MCTP1: variants seen among roughly 807,000 people sequenced by gnomAD.
MCTP1 encodes multiple C2 and transmembrane domain-containing protein 1.
In MCTP1, 69 loss-of-function variants were observed where a neutral mutation model predicts 120.6. That is an observed-to-expected ratio of 0.57 (90% confidence interval 0.47 to 0.70). The LOEUF (loss-of-function observed/expected upper bound fraction) is 0.70. MCTP1 is among the 30% of genes least tolerant of loss of function. The probability of loss-of-function intolerance (pLI) is 0.00; values close to 1 mark genes in which losing one functional copy is unlikely to be tolerated. For synonymous variants in MCTP1, 529 were observed against 493.1 expected, an observed-to-expected ratio of 1.07 and a Z score of -0.96; for missense variants, 1,203 against 1,248.8, an observed-to-expected ratio of 0.96 and a Z score of 0.55.
intron 3 of MCTP1, among the ~76,000 whole-genome samples, chr5:94,947,603 G>C (rs2118212): frequency 0.012 from 1,271 of 104,460 alleles, 45 homozygotes; most frequent in African/African-American, 0.017. Context: ...GAGAGAGAGA[G>C]AGAGAGAGAG....
chr5:95,283,561 C>T (rs368775118), intron 1 of MCTP1, among the ~76,000 whole-genome samples: 2 of 152,258 alleles, frequency 1.3e-5, no homozygotes, highest in Admixed American at 1.3e-4. Context: ...CATCTCCTTT[C>T]AGGAGAACTC....
chr5:95,236,614 G>A (rs985593202), intron 1 of MCTP1, among the ~76,000 whole-genome samples: 1 of 152,146 alleles, frequency 6.6e-6, no homozygotes, highest in Non-Finnish European at 1.5e-5. Context: ...AAGTCAATAT[G>A]CAATTTAGTT....
chr5:94,761,219 T>C (rs1381217382), intron 19 of MCTP1, among the ~76,000 whole-genome samples: 1 of 152,192 alleles, frequency 6.6e-6, no homozygotes, highest in African/African-American at 2.4e-5. Flanking sequence ...ACACAGACTG[T>C]TGGCATTTGG....
At chr5:95,274,556 G>C (rs1759659437) in intron 1 of MCTP1, among the ~76,000 whole-genome samples, 1 of 151,994 alleles carries the variant, frequency 6.6e-6, no homozygotes, top group Non-Finnish European at 1.5e-5. Flanking sequence ...ACTCACTCAA[G>C]GTATCTCCAT....
chr5:94,779,075 T>A (rs1419734529), intron 19 of MCTP1, 35 bp downstream of exon 19: 2 of 1,576,908 alleles, frequency 1.3e-6, no homozygotes, highest in South Asian at 2.2e-5. Context: ...CATTTCCCCA[T>A]CCCCAGGTAC....
chr5:95,251,587 G>C (rs1267487189), intron 1 of MCTP1, among the ~76,000 whole-genome samples: 1 of 152,074 alleles, frequency 6.6e-6, no homozygotes, highest in African/African-American at 2.4e-5. Flanking sequence ...TTCTTATCTT[G>C]CTAGGGGATT....
At chr5:95,202,104 G>C (rs1195800710) in intron 1 of MCTP1, among the ~76,000 whole-genome samples, 1 of 152,138 alleles carries the variant, frequency 6.6e-6, no homozygotes, top group Non-Finnish European at 1.5e-5. Flanking sequence ...TGGCGTGAGT[G>C]GGGAAGACCA....
At chr5:95,176,263 G>A (rs898344393) in intron 1 of MCTP1, among the ~76,000 whole-genome samples, 2 of 152,116 alleles carry the variant, frequency 1.3e-5, no homozygotes, top group African/African-American at 2.4e-5. Context: ...GGTGGCTCAC[G>A]CCTGTAATCC....
At chr5:95,232,105 A>G (rs960669553) in intron 1 of MCTP1, among the ~76,000 whole-genome samples, 3 of 151,030 alleles carry the variant, frequency 2.0e-5, no homozygotes, top group African/African-American at 7.3e-5. Context: ...ACATTGCCAA[A>G]TGATCCCTGG....
At chr5:94,894,081 G>A (rs998520490) in intron 11 of MCTP1, among the ~76,000 whole-genome samples, 4 of 152,122 alleles carry the variant, frequency 2.6e-5, no homozygotes, top group Non-Finnish European at 4.4e-5. Context: ...AGTCATTTTA[G>A]TGATTCACTA....
intron 1 of MCTP1, among the ~76,000 whole-genome samples, chr5:95,279,824 C>T (rs1041571360): frequency 5.9e-5 from 9 of 152,166 alleles, no homozygotes; most frequent in African/African-American, 2.2e-4. Flanking sequence ...CATCAAACTC[C>T]ACTTTCCACC....
At chr5:94,943,512 A>T (rs572421710) in intron 3 of MCTP1, among the ~76,000 whole-genome samples, 2 of 152,114 alleles carry the variant, frequency 1.3e-5, no homozygotes, top group Non-Finnish European at 2.9e-5. Context: ...ACTTCCATCC[A>T]TCTATTAATT....
Position 94,888,458 on chromosome 5 carries a change from CAAGT to C in MCTP1, c.1933+417_1933+420del, listed in dbSNP as rs1480804067. On this transcript the variant is annotated intron_variant, in intron 12 of 22. Coordinates refer to ENST00000515393, the MANE Select transcript of MCTP1 (RefSeq NM_024717.7). The stretch of plus-strand genomic sequence containing the variant: ...CAACCCAAATATCAAGAGTTGATAC[CAAGT>C]TATTGAGTATTATGCACCTAAAATT... 7.2e-5 allele frequency among the ~76,000 whole-genome samples: 11 copies of C among 152,044 alleles called. No individual in the cohort carries two copies. The East Asian group carries it at 1.9e-3, about 27-fold the overall frequency.
Position 94,799,130 on chromosome 5 carries a change from G to A in MCTP1, c.2439C>T (p.Leu813=), listed in dbSNP as rs1361567065. The A allele has an allele frequency of 6.2e-7, 1 of 1,610,870 alleles. No homozygotes were observed. Among genetic ancestry groups the A allele is most frequent in the Admixed American group, 1.7e-5 (1 of 59,814 alleles). ...SPPRSLAAFV[L]FLFVVWNFEL... is the part of the protein sequence containing the mutation. ...CAAAGTTCCAGACAACAAAGAGAAA[G>A]AGCTGGAGGAGATAGAAGAGAGAAG... The change falls in exon 18 of 23, where the codon CTC becomes CTT. Residue 813 remains leucine (L), a splice_region_variant and synonymous_variant. Transcript: ENST00000515393.
At chr5:94,963,251 T>C (rs1412959056) in intron 2 of MCTP1, among the ~76,000 whole-genome samples, 1 of 152,126 alleles carries the variant, frequency 6.6e-6, no homozygotes, top group East Asian at 1.9e-4. Context: ...TTGTGAATAA[T>C]GCTGCAATGA....
intron 1 of MCTP1, among the ~76,000 whole-genome samples, chr5:95,246,326 A>G (rs989304682): frequency 1.3e-4 from 20 of 152,206 alleles, no homozygotes; most frequent in Non-Finnish European, 2.8e-4. Flanking sequence ...CAAACATAAC[A>G]ATGTTAACCT....
intron 2 of MCTP1, among the ~76,000 whole-genome samples, chr5:94,963,140 G>A (rs935780415): frequency 1.3e-5 from 2 of 151,960 alleles, no homozygotes; most frequent in Non-Finnish European, 2.9e-5. Context: ...CTGGGTCTTG[G>A]GTTCCAACAT....
At chr5:94,986,104 T>C (rs1422644917) in intron 2 of MCTP1, among the ~76,000 whole-genome samples, 1 of 152,202 alleles carries the variant, frequency 6.6e-6, no homozygotes, top group African/African-American at 2.4e-5. Context: ...AAAAATGCTT[T>C]GCTACTAAAA....
chr5:95,031,982 A>G (rs1840393506), intron 1 of MCTP1, among the ~76,000 whole-genome samples: 1 of 152,162 alleles, frequency 6.6e-6, no homozygotes, highest in South Asian at 2.1e-4. Flanking sequence ...CAACAACAGT[A>G]AAAAGGACAA....
Sources: allele counts gnomAD v4.1 joint callset (sites outside exome capture counted in the v4.1 genomes callset), GRCh38; gene constraint gnomAD v4.1.1; transcripts MANE v1.5; gene names NCBI Gene and HGNC (gene_info 2026-07-23, HGNC 2026-07-21).